The following PNPLA7 variants were observed in gnomAD, a reference collection of about 807,000 sequenced individuals.
PNPLA7 encodes patatin-like phospholipase domain-containing protein 7.
A neutral mutation model predicts 161.7 loss-of-function variants in PNPLA7; 153 were observed. The observed-to-expected ratio is 0.95, with a 90% CI of 0.83 to 1.08. The LOEUF (loss-of-function observed/expected upper bound fraction) is 1.08, where lower values mean the gene tolerates loss of function less well. Among genes scored for constraint, PNPLA7 ranks in the 50% least tolerant of loss-of-function variants. The pLI is 0.00. For missense variants in PNPLA7, 1,739 were observed against 1,856.6 expected (o/e 0.94, Z 1.16); for synonymous variants, 809 against 782.1 (o/e 1.03, Z -0.57).
chr9:137,528,132 T>C (rs937586154), intron 8 of PNPLA7, among the ~76,000 whole-genome samples: 2 of 152,240 alleles, frequency 1.3e-5, no homozygotes, highest in Admixed American at 1.3e-4. Flanking sequence ...TGTCTTCTCT[T>C]CTTTTCTACA....
rs1052880559 is a variant in PNPLA7 at position 137,497,051 on chromosome 9, C to T, written c.2013+136G>A. 83 of 1,163,032 alleles carry T rather than the reference C, an allele frequency of 7.1e-5. No homozygotes were observed. In the African/African-American group the frequency reaches 8.3e-4, roughly 12 times the overall value. 72.0% of individuals were successfully genotyped at this position (1,163,032 alleles called of 1,614,324 possible). A position where few individuals can be genotyped will look rare whatever the true frequency, so the allele number is the denominator to read the frequency against. On this transcript the variant is annotated intron_variant, in intron 18 of 34. Transcript: ENST00000406427. Reference sequence around the variant, plus strand: ...CCCGGGGCTCACAGCAAAGCGGCTGCGGGGCATCACTACTACCATCCACTC... The same window carrying T: ...CCCGGGGCTCACAGCAAAGCGGCTGTGGGGCATCACTACTACCATCCACTC...
chr9:137,505,186 T>TAAAA (rs1833847592), intron 14 of PNPLA7, among the ~76,000 whole-genome samples: 2 of 12,118 alleles, frequency 1.7e-4, no homozygotes, highest in South Asian at 2.2e-3. Context: ...AGACTCTGTC[T>TAAAA]CAAAAAAAAA....
Position 137,499,514 on chromosome 9 carries a change from A to G in PNPLA7, c.1757+1177T>C, listed in dbSNP as rs1833261779. Among the ~76,000 whole-genome samples, 1 of 152,206 alleles carries G rather than the reference A, an allele frequency of 6.6e-6. No homozygotes were observed. Among genetic ancestry groups the G allele is most frequent in the African/African-American group, 2.4e-5 (1 of 41,454 alleles). ...GGATGCTCAGGAGGGAGATGGGTCC[A>G]GCTCCACCCAGGGTCCCCTGCTGGT... On this transcript the variant is annotated intron_variant, in intron 16 of 34. Coordinates refer to ENST00000406427, the MANE Select transcript of PNPLA7 (RefSeq NM_001098537.3). This position sits in a 1 kb window ranked among gnomAD's most constrained non-coding sequence, Gnocchi z 5.5.
At chr9:137,507,288 C>T (rs1020005426) in intron 12 of PNPLA7, among the ~76,000 whole-genome samples, 2 of 152,268 alleles carry the variant, frequency 1.3e-5, no homozygotes, top group Non-Finnish European at 2.9e-5. Context: ...ACCCTCTGGG[C>T]TGGGCGAGAG....
Position 137,500,845 on chromosome 9 carries a change from T to G in PNPLA7, c.1603A>C (p.Lys535Gln). 6.3e-7 allele frequency: 1 copy of G among 1,597,648 alleles called. No individual in the cohort carries two copies. Among genetic ancestry groups the G allele is most frequent in the Non-Finnish European group, 8.5e-7 (1 of 1,174,172 alleles). ...VSGLLHVYQR[K>Q]IGSQEDTCLF... ...CAGGTGTCCTCCTGGCTGCCGATCT[T>G]CCGCTGGTACACGTGCAGCAGCCCC... The change falls in exon 16 of 35, where the codon AAG becomes CAG. Residue 535 changes from lysine to glutamine, a missense_variant. Physicochemically the swap from Lys to Gln is moderately conservative, Grantham distance 53. This residue lies in a region of PNPLA7 where 481 missense variants were observed against 450.0 expected (regional missense o/e 1.07). Coordinates refer to ENST00000406427, the MANE Select transcript of PNPLA7 (RefSeq NM_001098537.3). This position sits in a 1 kb window ranked among gnomAD's most constrained non-coding sequence, Gnocchi z 5.5.
In PNPLA7 at chr9:137,550,316, A is replaced by G. The variant is rs544927252; in HGVS notation, c.-119T>C. ...CTTTTCCCTGGGTTCCTTTCAAGTC[A>G]AATTATGTTTCACTGAAAGGAAAAT... On this transcript the variant is annotated 5_prime_UTR_variant, in exon 1 of 35. Transcript: ENST00000406427. 2 of 1,120,398 alleles carry G rather than the reference A, an allele frequency of 1.8e-6. No individual in the cohort carries two copies. The highest frequency in any genetic ancestry group is 4.7e-5 in the East Asian group (2 of 42,112). The allele number at this position is 1,120,398 out of a possible 1,614,324, so 69.4% of individuals were successfully genotyped here.
Position 137,501,713 on chromosome 9 carries a change from C to T in PNPLA7, c.1488G>A (p.Leu496=), listed in dbSNP as rs762206858. 1 of 1,612,604 alleles carries T rather than the reference C, an allele frequency of 6.2e-7. No homozygotes were observed. The highest frequency in any genetic ancestry group is 1.3e-5 in the African/African-American group (1 of 75,050). The change falls in exon 15 of 35, where the codon TTG becomes TTA. Residue 496 remains leucine, a synonymous_variant. Transcript: ENST00000406427. ...TLMKLEDSSL[L]DGRVALLHVP... ...CGTGCAGAAGCGCCACCCGGCCATC[C>T]AACAGAGATGAGTCCTAAAAACAGA...
intron 20 of PNPLA7, chr9:137,491,873 A>G (rs759547914): frequency 9.6e-5 from 95 of 985,328 alleles, no homozygotes; most frequent in Non-Finnish European, 1.1e-4. Context: ...CACAGAGAAG[A>G]AAAAGGAAGC....
At chr9:137,522,918 C>T in intron 8 of PNPLA7, 61 bp from the exon 9 acceptor site, 1 of 1,594,652 alleles carries the variant, frequency 6.3e-7, no homozygotes, top group Non-Finnish European at 8.6e-7. Flanking sequence ...CAGGGAATGC[C>T]AAGGCTCCTG....
intron 19 of PNPLA7, among the ~76,000 whole-genome samples, chr9:137,493,371 T>C (rs533511108): frequency 6.6e-6 from 1 of 152,298 alleles, no homozygotes; most frequent in African/African-American, 2.4e-5. Context: ...CAGGCCAGCC[T>C]CTCACTCTCA....
chr9:137,538,735 A>G (rs1361959311), intron 8 of PNPLA7, among the ~76,000 whole-genome samples: 1 of 152,244 alleles, frequency 6.6e-6, no homozygotes, highest in African/African-American at 2.4e-5. Flanking sequence ...ACTCAAAGAA[A>G]AAAAGATTAA....
At chr9:137,504,008 A>AGAAGGAAGAAGAAGAAGGAGGAG (rs1564325744) in intron 14 of PNPLA7, among the ~76,000 whole-genome samples, 2 of 148,956 alleles carry the variant, frequency 1.3e-5, no homozygotes, top group Non-Finnish European at 3.0e-5. Context: ...AGAAGAAAGA[A>AGAAGGAAGAAGAAGAAGGAGGAG]GAAGGAAGAA....
At position 137,475,010 on chromosome 9, in the gene PNPLA7, C is replaced by CAAAAAAAA. The variant is rs58417100; in HGVS notation, c.2882+3016_2882+3023dup. Among the ~76,000 whole-genome samples the CAAAAAAAA allele has an allele frequency of 7.2e-4, 46 of 63,610 alleles. 3 individuals carry two copies. The highest frequency in any genetic ancestry group is 2.9e-3 in the African/African-American group (42 of 14,640). 41.7% of individuals were successfully genotyped at this position (63,610 alleles called of 152,430 possible). On this transcript the variant is annotated intron_variant, in intron 25 of 34. Coordinates refer to ENST00000406427, the MANE Select transcript of PNPLA7 (RefSeq NM_001098537.3). The stretch of plus-strand genomic sequence containing the variant: ...ACTGCGACAGAACAAGACTCTGCCT[C>CAAAAAAAA]AAAAAAAAAAAAAAAAAAAAAAGAA...
chr9:137,502,017 G>T (rs1022316635), intron 14 of PNPLA7, among the ~76,000 whole-genome samples: 7 of 152,278 alleles, frequency 4.6e-5, no homozygotes, highest in African/African-American at 1.4e-4. Context: ...AAAAGAGAGA[G>T]GATGTCATTT....
At chr9:137,510,269 C>G (rs563212782) in intron 12 of PNPLA7, among the ~76,000 whole-genome samples, 3 of 152,150 alleles carry the variant, frequency 2.0e-5, no homozygotes, top group Non-Finnish European at 4.4e-5. Flanking sequence ...ATCAGTCAGA[C>G]CTGCCCACAG....
At chr9:137,491,611 A>G in intron 20 of PNPLA7, 1 of 985,446 alleles carries the variant, frequency 1.0e-6, no homozygotes, top group Non-Finnish European at 1.2e-6. Context: ...TCTACCCAGA[A>G]CCGCAAAATG....
intron 19 of PNPLA7, among the ~76,000 whole-genome samples, chr9:137,493,838 T>C (rs969874431): frequency 6.6e-6 from 1 of 152,264 alleles, no homozygotes; most frequent in Non-Finnish European, 1.5e-5. Flanking sequence ...CTGCTGGCCC[T>C]GTGAGCTGCA....
chr9:137,466,882 C>T (rs975799441), intron 26 of PNPLA7, among the ~76,000 whole-genome samples: 1 of 149,256 alleles, frequency 6.7e-6, no homozygotes, highest in East Asian at 2.0e-4. Flanking sequence ...CTCCCACCAC[C>T]GTCTCCACCA....
chr9:137,493,155 C>G (rs1832863130), intron 19 of PNPLA7, 73 bp from the exon 20 acceptor site: 1 of 1,482,292 alleles, frequency 6.7e-7, no homozygotes, highest in Non-Finnish European at 9.4e-7. Context: ...GACAGTGATG[C>G]TCAACAACAG....
Sources: allele counts gnomAD v4.1 joint callset (sites outside exome capture counted in the v4.1 genomes callset), GRCh38; gene constraint gnomAD v4.1.1; regional missense constraint gnomAD v4.1.1; non-coding constraint Gnocchi (gnomAD v3.1); transcripts MANE v1.5; gene names NCBI Gene and HGNC (gene_info 2026-07-23, HGNC 2026-07-21).